The following RPH3A variants were observed in gnomAD, a reference collection of about 807,000 sequenced individuals.
RPH3A encodes rabphilin-3A.
Under a neutral mutation model 102.2 loss-of-function variants are expected in RPH3A, and 48 were observed. The observed-to-expected ratio is 0.47, with a 90% CI of 0.37 to 0.60. The LOEUF is 0.60. Among genes scored for constraint, RPH3A ranks in the 20% least tolerant of loss-of-function variants. The pLI, the probability that RPH3A is intolerant of heterozygous loss-of-function variation, is 0.00. For synonymous variants in RPH3A, 310 were observed against 324.3 expected (o/e 0.96, Z 0.47); for missense variants, 781 against 910.1 (o/e 0.86, Z 1.83).
chr12:112,881,045 C>T (rs1270428384), intron 14 of RPH3A, among the ~76,000 whole-genome samples: 2 of 152,102 alleles, frequency 1.3e-5, no homozygotes, highest in Non-Finnish European at 2.9e-5. Flanking sequence ...TGGACCCACA[C>T]AGTTCACACC....
intron 1 of RPH3A, among the ~76,000 whole-genome samples, chr12:112,725,819 G>A (rs949008589): frequency 8.8e-5 from 13 of 147,792 alleles, no homozygotes; most frequent in Admixed American, 2.7e-4. Flanking sequence ...TTTTTGAGAC[G>A]GAGTCTTGCT....
At chr12:112,636,976 C>G (rs1361942748) in intron 1 of RPH3A, among the ~76,000 whole-genome samples, 1 of 152,170 alleles carries the variant, frequency 6.6e-6, no homozygotes, top group Non-Finnish European at 1.5e-5. Context: ...GGCTCAGCCT[C>G]CATCAGACTG....
chr12:112,673,493 G>A (rs1019323981), intron 1 of RPH3A, among the ~76,000 whole-genome samples: 1 of 151,594 alleles, frequency 6.6e-6, no homozygotes, highest in Non-Finnish European at 1.5e-5. Context: ...ACCATCCCTG[G>A]CTAATTTTTA....
At chr12:112,842,531 GTCCCCT>G (rs1212179149) in intron 4 of RPH3A, among the ~76,000 whole-genome samples, 7 of 152,134 alleles carry the variant, frequency 4.6e-5, no homozygotes, top group Non-Finnish European at 1.0e-4. Flanking sequence ...CTACTCCTGC[GTCCCCT>G]CTCTTAGGTT....
intron 1 of RPH3A, among the ~76,000 whole-genome samples, chr12:112,579,727 ATCT>A (rs1205316843): frequency 6.6e-6 from 1 of 151,804 alleles, no homozygotes; most frequent in Non-Finnish European, 1.5e-5. Context: ...TTTCTTTTCT[ATCT>A]TCTTTTTAAT....
chr12:112,895,782 T>C lies in RPH3A; in HGVS notation c.1863T>C (p.Phe621=), dbSNP rs370971966. The change falls in exon 21 of 22, where the codon TTT becomes TTC. Residue 621 remains phenylalanine, a synonymous_variant. Coordinates refer to ENST00000389385, the MANE Select transcript of RPH3A (RefSeq NM_001143854.2). ...TCTTCCTCTGTTGTATTCAGGAGTT[T>C]TTCTATGACATCAAACACAGTGACC... ...KTLNPEFNEE[F]FYDIKHSDLA... 6 of 1,613,188 alleles carry C rather than the reference T, an allele frequency of 3.7e-6. No homozygotes were observed. The highest frequency in any genetic ancestry group is 5.1e-6 in the Non-Finnish European group (6 of 1,179,168).
intron 1 of RPH3A, among the ~76,000 whole-genome samples, chr12:112,752,978 T>TTC (rs1020043573): frequency 6.6e-6 from 1 of 150,432 alleles, no homozygotes; most frequent in African/African-American, 2.4e-5. Flanking sequence ...CTTTTTTTTT[T>TTC]TTTTTTTTTT....
chr12:112,600,639 CAA>C (rs1384040951), intron 1 of RPH3A, among the ~76,000 whole-genome samples: 1 of 152,216 alleles, frequency 6.6e-6, no homozygotes, highest in Non-Finnish European at 1.5e-5. Context: ...AACCATTCAA[CAA>C]GTCTCTAGGA....
chr12:112,699,808 G>A (rs895908462), intron 1 of RPH3A, among the ~76,000 whole-genome samples: 32 of 152,190 alleles, frequency 2.1e-4, no homozygotes, highest in African/African-American at 7.2e-4. Flanking sequence ...AGTCAAACAT[G>A]CATGAAAGAA....
At chr12:112,784,333 C>A (rs2041029468) in intron 1 of RPH3A, among the ~76,000 whole-genome samples, 1 of 152,180 alleles carries the variant, frequency 6.6e-6, no homozygotes, top group African/African-American at 2.4e-5. Flanking sequence ...CCTCTCCCCT[C>A]TTATTCAGCC....
At chr12:112,792,788 G>A (rs965901236) in intron 2 of RPH3A, among the ~76,000 whole-genome samples, 17 of 152,174 alleles carry the variant, frequency 1.1e-4, no homozygotes, top group African/African-American at 4.1e-4. Context: ...ATTTAATTGT[G>A]GTGATTTTTG....
At chr12:112,809,340 G>A (rs112919809) in intron 2 of RPH3A, among the ~76,000 whole-genome samples, 5 of 151,962 alleles carry the variant, frequency 3.3e-5, no homozygotes, top group South Asian at 2.1e-4. Flanking sequence ...TCTTCTCATC[G>A]TGGGAATCTG....
rs3038114 is a variant in RPH3A at position 112,877,419 on chromosome 12, T to TACACACACACACACAC, written c.1171+578_1171+593dup. Among the ~76,000 whole-genome samples the TACACACACACACACAC allele has an allele frequency of 3.7e-3, 525 of 141,642 alleles. 6 individuals are homozygous for TACACACACACACACAC. The highest frequency in any genetic ancestry group is 0.018 in the Admixed American group (249 of 14,128). 92.9% of individuals were successfully genotyped at this position (141,642 alleles called of 152,430 possible). ...ACACACGTATACACACACACACGTA[T>TACACACACACACACAC]ACACACACACACACACACACACACA... On this transcript the variant is annotated intron_variant, in intron 13 of 21. Transcript: ENST00000389385.
chr12:112,807,059 A>G (rs1159844896), intron 2 of RPH3A, among the ~76,000 whole-genome samples: 1 of 152,074 alleles, frequency 6.6e-6, no homozygotes, highest in East Asian at 1.9e-4. Flanking sequence ...CAGCATGGTT[A>G]GAGTGTGAGA....
intron 1 of RPH3A, among the ~76,000 whole-genome samples, chr12:112,644,934 G>C (rs1347607179): frequency 2.0e-5 from 3 of 152,192 alleles, no homozygotes; most frequent in Non-Finnish European, 4.4e-5. Flanking sequence ...CCTGGGGAGA[G>C]ACCAAGCTTT....
chr12:112,767,972 A>C (rs2136070807), intron 1 of RPH3A, among the ~76,000 whole-genome samples: 1 of 152,260 alleles, frequency 6.6e-6, no homozygotes, highest in East Asian at 1.9e-4. Flanking sequence ...GAGAATGGGG[A>C]GTCACTGCTA....
chr12:112,693,639 A>G (rs548437442), intron 1 of RPH3A, among the ~76,000 whole-genome samples: 21 of 152,088 alleles, frequency 1.4e-4, no homozygotes, highest in Middle Eastern at 6.8e-3. Flanking sequence ...TCTGCTTTGA[A>G]TGCTCTCCCT....
intron 1 of RPH3A, among the ~76,000 whole-genome samples, chr12:112,652,080 G>T (rs1270378847): frequency 6.6e-6 from 1 of 152,130 alleles, no homozygotes; most frequent in Non-Finnish European, 1.5e-5. Flanking sequence ...ATGTCCATTT[G>T]AGTCTCTGCT....
At chr12:112,818,714 A>C (rs974662504) in intron 2 of RPH3A, among the ~76,000 whole-genome samples, 1 of 152,186 alleles carries the variant, frequency 6.6e-6, no homozygotes, top group Non-Finnish European at 1.5e-5. Context: ...CACCTGGACC[A>C]CACAGATTGA....
Sources: allele counts gnomAD v4.1 joint callset (sites outside exome capture counted in the v4.1 genomes callset), GRCh38; gene constraint gnomAD v4.1.1; transcripts MANE v1.5; gene names NCBI Gene and HGNC (gene_info 2026-07-23, HGNC 2026-07-21).